The following TRMT1L variants were observed in gnomAD, a reference collection of about 807,000 sequenced individuals.
TRMT1L encodes tRNA methyltransferase 1L.
TRMT1L carries 28 observed loss-of-function variants against 81.6 expected under a neutral mutation model. The observed-to-expected ratio is 0.34, with a 90% CI of 0.25 to 0.47. The LOEUF is 0.47. Among genes scored for constraint, TRMT1L ranks in the 20% least tolerant of loss-of-function variants. TRMT1L has a pLI of 1.00. For synonymous variants in TRMT1L, 301 were observed against 303.2 expected (o/e 0.99, Z 0.07); for missense variants, 739 against 877.1 (o/e 0.84, Z 1.99).
chr1:185,134,214 G>C (rs190085397), intron 10 of TRMT1L, among the ~76,000 whole-genome samples: 20 of 152,096 alleles, frequency 1.3e-4, no homozygotes, highest in African/African-American at 3.6e-4. Flanking sequence ...AGGGAGTCTT[G>C]CTCTGTCACC....
At chr1:185,126,554 C>G (rs1453749565) in intron 11 of TRMT1L, among the ~76,000 whole-genome samples, 1 of 152,004 alleles carries the variant, frequency 6.6e-6, no homozygotes, top group Non-Finnish European at 1.5e-5. Context: ...TTTAAATTAT[C>G]AAATATGTGA....
chr1:185,137,824 G>C lies in TRMT1L; in HGVS notation c.1323-28C>G, dbSNP rs748479302. On this transcript the variant is annotated intron_variant, in intron 9 of 14. Transcript: ENST00000367506. ...ACAATAAATTTTTTCAAGTTATTTT[G>C]TGGGCTTATCATTTTCCCTTGTTTG... 10 of 1,606,528 alleles carry C rather than the reference G, an allele frequency of 6.2e-6. No individual in the cohort carries two copies. The South Asian group carries it at 8.9e-5, about 14-fold the overall frequency.
intron 4 of TRMT1L, among the ~76,000 whole-genome samples, chr1:185,145,812 A>G (rs1260301711): frequency 6.6e-6 from 1 of 151,976 alleles, no homozygotes; most frequent in Non-Finnish European, 1.5e-5. Flanking sequence ...TCAGAAAATA[A>G]TTGTATTTTC....
At chr1:185,155,946 T>C (rs1232195218) in intron 1 of TRMT1L, among the ~76,000 whole-genome samples, 1 of 152,164 alleles carries the variant, frequency 6.6e-6, no homozygotes, top group Non-Finnish European at 1.5e-5. Context: ...TCAAAATCTT[T>C]TCGGAGGCAA....
At chr1:185,140,341 G>C (rs1316152119) in intron 7 of TRMT1L, 119 bp from the exon 8 acceptor site, 4 of 889,590 alleles carry the variant, frequency 4.5e-6, no homozygotes, top group Non-Finnish European at 6.6e-6. Context: ...ATGTTTTCAT[G>C]AATCTTATTC....
intron 3 of TRMT1L, 33 bp downstream of exon 3, chr1:185,150,346 A>G: frequency 6.9e-7 from 1 of 1,439,638 alleles, no homozygotes; most frequent in Non-Finnish European, 9.7e-7. Flanking sequence ...AATTTCATAT[A>G]TATTACTTCT....
At chr1:185,126,055 T>C (rs1652620598) in intron 11 of TRMT1L, among the ~76,000 whole-genome samples, 1 of 152,176 alleles carries the variant, frequency 6.6e-6, no homozygotes, top group Admixed American at 6.5e-5. Flanking sequence ...ATTCTGAGTA[T>C]GATAAACTGG....
intron 2 of TRMT1L, 78 bp from the exon 3 acceptor site, chr1:185,150,570 TG>T: frequency 2.0e-6 from 2 of 983,040 alleles, no homozygotes; most frequent in Admixed American, 2.1e-5. Context: ...AAGAGGTTAA[TG>T]GGGGCTCCCC....
In TRMT1L at chr1:185,120,060, C is replaced by G. The variant is rs2102224504; in HGVS notation, c.2161G>C (p.Val721Leu). The change falls in exon 15 of 15, where the codon GTG (valine) becomes CTG (leucine). Residue 721 changes from valine (V) to leucine (L), a missense_variant. Physicochemically the swap from Val to Leu is conservative, Grantham distance 32. Around this residue, in one of 4 missense-constraint regions of TRMT1L, gnomAD observed 196 missense variants for 232.6 expected, o/e 0.84. Transcript: ENST00000367506. ...DTVTERVEMS[V>L]NDKAEASGCR... ...CCACTTGCTTCTGCTTTGTCATTCACTGACATTTCAACTCTTTCAGTTACT... is the reference window on the plus strand; with the variant it reads ...CCACTTGCTTCTGCTTTGTCATTCAGTGACATTTCAACTCTTTCAGTTACT... 1 of 1,613,996 alleles carries G rather than the reference C, an allele frequency of 6.2e-7. No homozygotes were observed. The highest frequency in any genetic ancestry group is 8.5e-7 in the Non-Finnish European group (1 of 1,179,904).
chr1:185,132,154 A>G (rs1243436794), intron 10 of TRMT1L, among the ~76,000 whole-genome samples: 1 of 151,992 alleles, frequency 6.6e-6, no homozygotes. Context: ...AAAAAGAAAA[A>G]GAAAAAGAAA....
upstream of TRMT1L, chr1:185,157,312 A>T (rs1448183968): frequency 6.5e-6 from 1 of 152,756 alleles, no homozygotes; most frequent in Non-Finnish European, 1.5e-5. Context: ...CGGCGCTGGT[A>T]AGGTAGGAAC....
At chr1:185,155,384 T>C (rs1198302327) in intron 1 of TRMT1L, among the ~76,000 whole-genome samples, 1 of 152,228 alleles carries the variant, frequency 6.6e-6, no homozygotes, top group Admixed American at 6.5e-5. Context: ...ACTGGCCTTA[T>C]TTTGTACCTA....
chr1:185,132,187 A>G (rs1652787085), intron 10 of TRMT1L, among the ~76,000 whole-genome samples: 1 of 151,884 alleles, frequency 6.6e-6, no homozygotes, highest in East Asian at 1.9e-4. Flanking sequence ...TTGCCCCCCA[A>G]ATTTATCAGA....
intron 10 of TRMT1L, among the ~76,000 whole-genome samples, chr1:185,136,332 C>A (rs1467354764): frequency 6.6e-6 from 1 of 151,920 alleles, no homozygotes; most frequent in Non-Finnish European, 1.5e-5. Flanking sequence ...TTGCTTGAGC[C>A]CAGGAAGCAG....
chr1:185,132,270 C>A (rs113758766), intron 10 of TRMT1L, among the ~76,000 whole-genome samples: 15,172 of 152,066 alleles, frequency 0.1, 983 homozygotes, highest in East Asian at 0.25. Flanking sequence ...GTAATCCCAG[C>A]ACTTTGGGAG....
At chr1:185,129,078 T>C (rs931219936) in intron 10 of TRMT1L, among the ~76,000 whole-genome samples, 1 of 152,104 alleles carries the variant, frequency 6.6e-6, no homozygotes, top group African/African-American at 2.4e-5. Flanking sequence ...AAATGGCTTA[T>C]TAGAGGTGTA....
intron 10 of TRMT1L, among the ~76,000 whole-genome samples, chr1:185,132,436 T>C (rs1409789536): frequency 6.6e-6 from 1 of 151,726 alleles, no homozygotes; most frequent in Non-Finnish European, 1.5e-5. Flanking sequence ...CGAGAACTGC[T>C]TGAATCTAGC....
intron 13 of TRMT1L, among the ~76,000 whole-genome samples, chr1:185,122,765 GC>G (rs1652531881): frequency 1.4e-5 from 2 of 146,996 alleles, no homozygotes; most frequent in South Asian, 4.2e-4. Flanking sequence ...GCTAACTGCA[GC>G]CTCTGCCTCC....
chr1:185,123,912 AT>A lies in TRMT1L; in HGVS notation c.1766del (p.Asn589MetfsTer27). ...ASSNVNKQEE[N>X]GVFIKTTDDT... Reference sequence around the variant, plus strand: ...CATCTGTAGTTTTAATAAATACACCATTTTCTTCTAAAAAATAAAGCAAATG... The same window carrying A: ...CATCTGTAGTTTTAATAAATACACCATTTCTTCTAAAAAATAAAGCAAATG... On this transcript the variant is annotated frameshift_variant, in exon 13 of 15. Coordinates refer to ENST00000367506, the MANE Select transcript of TRMT1L (RefSeq NM_030934.5). LOFTEE classifies it high-confidence loss of function. The A allele has an allele frequency of 6.7e-7, 1 of 1,493,386 alleles. No homozygotes were observed. The highest frequency in any genetic ancestry group is 2.5e-5 in the Admixed American group (1 of 40,292). The allele number at this position is 1,493,386 out of a possible 1,614,324, so 92.5% of individuals were successfully genotyped here. A position where few individuals can be genotyped will look rare whatever the true frequency, so the allele number is the denominator to read the frequency against.
Sources: allele counts gnomAD v4.1 joint callset (sites outside exome capture counted in the v4.1 genomes callset), GRCh38; gene constraint gnomAD v4.1.1; regional missense constraint gnomAD v4.1.1; transcripts MANE v1.5; gene names NCBI Gene and HGNC (gene_info 2026-07-23, HGNC 2026-07-21).